Variants in SDK1 observed in about 807,000 individuals in gnomAD.
The protein encoded by SDK1 is protein sidekick-1.
A neutral mutation model predicts 245.5 loss-of-function variants in SDK1; 157 were observed. The ratio of observed to expected loss-of-function variants is 0.64; its 90% CI spans 0.56 to 0.73. The LOEUF (loss-of-function observed/expected upper bound fraction) is 0.73. Ranked by LOEUF, SDK1 falls within the 30% of genes least tolerant of loss-of-function variation. The pLI, the probability that SDK1 is intolerant of heterozygous loss-of-function variation, is 0.00. For synonymous variants in SDK1, 1,647 were observed against 1,278.5 expected (o/e 1.29, Z -6.15); for missense variants, 3,583 against 3,002.3 (o/e 1.19, Z -4.52).
intron 1 of SDK1, among the ~76,000 whole-genome samples, chr7:3,484,333 G>A (rs1781611545): frequency 6.6e-6 from 1 of 152,044 alleles, no homozygotes. Flanking sequence ...CATATTCACT[G>A]GATGCGAAAC....
At chr7:3,468,137 C>G (rs1177535318) in intron 1 of SDK1, among the ~76,000 whole-genome samples, 1 of 152,036 alleles carries the variant, frequency 6.6e-6, no homozygotes, top group Non-Finnish European at 1.5e-5. Flanking sequence ...GTGAAAAGTT[C>G]AGAGATATGT....
chr7:3,644,797 A>AAAAAAAC (rs1554301839), intron 4 of SDK1, among the ~76,000 whole-genome samples: 15 of 131,556 alleles, frequency 1.1e-4, no homozygotes, highest in South Asian at 2.7e-4. Context: ...AAAAAACAAA[A>AAAAAAAC]AACAACAACA....
intron 1 of SDK1, among the ~76,000 whole-genome samples, chr7:3,365,694 G>A (rs1781069548): frequency 6.6e-6 from 1 of 152,082 alleles, no homozygotes; most frequent in South Asian, 2.1e-4. Context: ...AATATATACT[G>A]CTGAGGATGT....
chr7:3,781,883 G>C (rs1780755327), intron 4 of SDK1, among the ~76,000 whole-genome samples: 1 of 152,062 alleles, frequency 6.6e-6, no homozygotes, highest in South Asian at 2.1e-4. Context: ...AAAGATAAAA[G>C]AATGATAAAG....
chr7:3,957,970 C>T (rs1396580399), intron 7 of SDK1: 1 of 470,790 alleles, frequency 2.1e-6, no homozygotes. Context: ...CTTCCAGAAA[C>T]CTTCAGCCGC....
intron 5 of SDK1, among the ~76,000 whole-genome samples, chr7:3,897,952 C>CTTATTCCATTTCT (rs1781658502): frequency 6.6e-6 from 1 of 151,548 alleles, no homozygotes; most frequent in Non-Finnish European, 1.5e-5. Context: ...CTTTCCTTTT[C>CTTATTCCATTTCT]TGCTCTTATT....
intron 19 of SDK1, among the ~76,000 whole-genome samples, chr7:4,060,547 T>G (rs921678955): frequency 6.6e-6 from 1 of 152,096 alleles, no homozygotes; most frequent in African/African-American, 2.4e-5. Context: ...ATTAGCCCTT[T>G]GTCAGATGAG....
intron 4 of SDK1, among the ~76,000 whole-genome samples, chr7:3,807,977 C>G (rs1162057558): frequency 6.6e-6 from 1 of 152,170 alleles, no homozygotes; most frequent in South Asian, 2.1e-4. Context: ...TTATCCCCAT[C>G]TGACCTGCGC....
intron 13 of SDK1, among the ~76,000 whole-genome samples, chr7:3,986,340 A>G (rs7799447): frequency 0.16 from 24,025 of 152,170 alleles, 6,056 homozygotes; most frequent in African/African-American, 0.53. Context: ...CCAAATCCCC[A>G]TAACTCCAGC....
intron 1 of SDK1, among the ~76,000 whole-genome samples, chr7:3,614,524 C>A (rs1781707284): frequency 6.6e-6 from 1 of 152,192 alleles, no homozygotes; most frequent in Non-Finnish European, 1.5e-5. Flanking sequence ...TCAGGATGTT[C>A]TCTTTCCCAT....
At chr7:3,750,992 A>T (rs1229581884) in intron 4 of SDK1, among the ~76,000 whole-genome samples, 1 of 152,096 alleles carries the variant, frequency 6.6e-6, no homozygotes, top group East Asian at 1.9e-4. Context: ...TTACCTTTTG[A>T]GAACTGTCTT....
chr7:3,344,225 T>C (rs567504009), intron 1 of SDK1, among the ~76,000 whole-genome samples: 11 of 152,316 alleles, frequency 7.2e-5, no homozygotes, highest in East Asian at 3.9e-4. Context: ...ACATGTTCAA[T>C]TTTAAAAAAT....
chr7:3,763,313 A>G (rs1780160158), intron 4 of SDK1, among the ~76,000 whole-genome samples: 1 of 152,220 alleles, frequency 6.6e-6, no homozygotes, highest in African/African-American at 2.4e-5. Flanking sequence ...AGTCTTAAGC[A>G]TACAACTCGA....
chr7:3,567,207 G>A (rs1035040198), intron 1 of SDK1, among the ~76,000 whole-genome samples: 2 of 152,202 alleles, frequency 1.3e-5, no homozygotes, highest in African/African-American at 4.8e-5. Context: ...TACTTAAGGA[G>A]AACAGTGCTT....
intron 1 of SDK1, among the ~76,000 whole-genome samples, chr7:3,482,790 A>C (rs1212481621): frequency 6.6e-6 from 1 of 152,226 alleles, no homozygotes; most frequent in Non-Finnish European, 1.5e-5. Context: ...GAAGGCAACA[A>C]AACAGGAAAA....
chr7:3,462,441 A>G lies in SDK1; in HGVS notation c.299-156639A>G, dbSNP rs142481629. 5.5e-3 allele frequency among the ~76,000 whole-genome samples: 839 copies of G among 152,188 alleles called. 7 individuals are homozygous for G. Among genetic ancestry groups the G allele is most frequent in the African/African-American group, 0.019 (799 of 41,530 alleles). On this transcript the variant is annotated intron_variant, in intron 1 of 44. Transcript: ENST00000404826. ...AGTTCTGTTCCATTCTCAACCTACA[A>G]TCTTTTCCTAAGCTATTTCATTCAT... is the stretch of plus-strand genomic sequence containing the variant.
At chr7:3,746,374 G>C (rs1779621770) in intron 4 of SDK1, among the ~76,000 whole-genome samples, 1 of 152,124 alleles carries the variant, frequency 6.6e-6, no homozygotes, top group Non-Finnish European at 1.5e-5. Context: ...TGAAGGGTGG[G>C]GTGACTGTGG....
intron 1 of SDK1, among the ~76,000 whole-genome samples, chr7:3,593,365 T>G (rs1391144907): frequency 6.6e-6 from 1 of 152,122 alleles, no homozygotes; most frequent in Admixed American, 6.5e-5. Flanking sequence ...GGTCTGGGGA[T>G]AGTATGTGAT....
At chr7:3,554,904 TA>T (rs1005318817) in intron 1 of SDK1, among the ~76,000 whole-genome samples, 1 of 152,060 alleles carries the variant, frequency 6.6e-6, no homozygotes, top group Non-Finnish European at 1.5e-5. Context: ...TAAGGAAAAC[TA>T]TAAAACTTTT....
Sources: gnomAD v4.1 joint callset for allele counts (sites outside exome capture counted in the v4.1 genomes callset) on GRCh38, gnomAD v4.1.1 for gene constraint, MANE v1.5 for transcripts, NCBI Gene and HGNC (gene_info 2026-07-23, HGNC 2026-07-21) for gene names.